The following RCAN1 variants were observed in gnomAD, a reference collection of about 807,000 sequenced individuals.
RCAN1 encodes the protein regulator of calcineurin 1, also known as calcipressin-1.
In RCAN1, 11 loss-of-function variants were observed where a neutral mutation model predicts 22.9. That is an observed-to-expected ratio of 0.48 (90% CI 0.30 to 0.79). The LOEUF (loss-of-function observed/expected upper bound fraction) is 0.79, where lower values mean the gene tolerates loss of function less well. Ranked by LOEUF, RCAN1 falls within the 30% of genes least tolerant of loss-of-function variation. The probability of loss-of-function intolerance (pLI) is 0.06; values close to 1 mark genes in which losing one functional copy is unlikely to be tolerated. For missense variants in RCAN1, 291 were observed against 337.8 expected (o/e 0.86, Z 1.09); for synonymous variants, 136 against 142.3 (o/e 0.96, Z 0.32).
intron 1 of RCAN1, among the ~76,000 whole-genome samples, chr21:34,578,198 AC>A (rs1249747473): frequency 6.6e-6 from 1 of 152,122 alleles, no homozygotes; most frequent in Non-Finnish European, 1.5e-5. Flanking sequence ...ATTCTCCTTG[AC>A]CCTCGTATCT....
Position 34,614,930 on chromosome 21 carries a change from C to A in RCAN1, c.82G>T (p.Val28Leu). ...AGGGGCGCGAAGGGCCGCAGCGTCA[C>A]CCCGGGCCGCGCTCGCGCCTCGGCC... ...EAAEARARPG[V>L]TLRPFAPLSG... Residue 28 changes from valine (V) to leucine (L), a missense_variant, in exon 1 of 4, where the codon GTG (valine) becomes TTG (leucine). Transcript: ENST00000313806. This position sits in a 1 kb window ranked among gnomAD's most constrained non-coding sequence, Gnocchi z 6.0. 15 of 1,311,636 alleles carry A rather than the reference C, an allele frequency of 1.1e-5. No homozygotes were observed. The highest frequency in any genetic ancestry group is 1.5e-5 in the Non-Finnish European group (15 of 1,022,644). The allele number at this position is 1,311,636 out of a possible 1,614,324, so 81.2% of individuals were successfully genotyped here. A position where few individuals can be genotyped will look rare whatever the true frequency, so the allele number is the denominator to read the frequency against.
rs1343276772 is a variant in RCAN1, at chr21:34,614,335, T to C, written c.252+425A>G. On this transcript the variant is annotated intron_variant, in intron 1 of 3. Transcript: ENST00000313806. This position sits in a 1 kb window ranked among gnomAD's most constrained non-coding sequence, Gnocchi z 6.0. Reference sequence around the variant, plus strand: ...TTGGGAATGCAGGGACGTCGTCCTATTTATGAACACTGAGTCACGTCGCCG... The same window carrying C: ...TTGGGAATGCAGGGACGTCGTCCTACTTATGAACACTGAGTCACGTCGCCG... 1 of 990,084 alleles carries C rather than the reference T, an allele frequency of 1.0e-6. No homozygotes were observed. The highest frequency in any genetic ancestry group is 1.2e-6 in the Non-Finnish European group (1 of 833,170). 61.3% of individuals were successfully genotyped at this position (990,084 alleles called of 1,614,324 possible). A position where few individuals can be genotyped will look rare whatever the true frequency, so the allele number is the denominator to read the frequency against.
At chr21:34,595,849 C>A (rs1988132076) in intron 1 of RCAN1, among the ~76,000 whole-genome samples, 1 of 152,216 alleles carries the variant, frequency 6.6e-6, no homozygotes, top group South Asian at 2.1e-4. Context: ...GACAAGCTGA[C>A]CACCCCCCGG....
rs527958924 is a variant in RCAN1 at position 34,579,366 on chromosome 21, G to A, written c.252+35394C>T. 2.0e-5 allele frequency among the ~76,000 whole-genome samples: 3 copies of A among 152,282 alleles called. No individual in the cohort carries two copies. The East Asian group carries it at 5.8e-4, about 29-fold the overall frequency. ...TGCAGTGAGCTGAGATTGCGCCACT[G>A]CACTCCAGCCTGGGTGACACAGCGA... On this transcript the variant is annotated intron_variant, in intron 1 of 3. Coordinates refer to ENST00000313806, the MANE Select transcript of RCAN1 (RefSeq NM_004414.7).
intron 1 of RCAN1, among the ~76,000 whole-genome samples, chr21:34,605,723 C>A (rs1438861111): frequency 6.6e-6 from 1 of 151,912 alleles, no homozygotes; most frequent in African/African-American, 2.4e-5. Context: ...AGTTTGAGAC[C>A]AACCTGGCCA....
intron 1 of RCAN1, chr21:34,525,615 A>G: frequency 5.2e-6 from 2 of 386,882 alleles, no homozygotes; most frequent in Non-Finnish European, 9.1e-6. Context: ...AGGGCTTAGG[A>G]CCAGAACAAA....
intron 1 of RCAN1, among the ~76,000 whole-genome samples, chr21:34,605,777 G>A (rs948254575): frequency 4.6e-5 from 7 of 151,806 alleles, no homozygotes; most frequent in East Asian, 1.9e-4. Context: ...AAAATTAGCC[G>A]GGCGTGGTGG....
chr21:34,521,817 G>T, intron 2 of RCAN1, 159 bp from the exon 3 acceptor site: 1 of 624,892 alleles, frequency 1.6e-6, no homozygotes, highest in South Asian at 2.1e-5. Flanking sequence ...GTAATGGGGA[G>T]GGCAAAAGGA....
intron 1 of RCAN1, among the ~76,000 whole-genome samples, chr21:34,575,962 C>T (rs545982517): frequency 7.6e-4 from 115 of 152,276 alleles, no homozygotes; most frequent in Non-Finnish European, 1.4e-3. Flanking sequence ...GCACTAGAGT[C>T]TGGGTTCCTT....
intron 1 of RCAN1, among the ~76,000 whole-genome samples, chr21:34,537,002 C>T (rs1485533398): frequency 6.6e-6 from 1 of 152,218 alleles, no homozygotes; most frequent in Non-Finnish European, 1.5e-5. Context: ...CCCAACAGGG[C>T]ACTGCAAACG....
chr21:34,607,844 C>T (rs1179838481), intron 1 of RCAN1, among the ~76,000 whole-genome samples: 2 of 152,190 alleles, frequency 1.3e-5, no homozygotes, highest in East Asian at 3.9e-4. Context: ...GGAAGCGGGC[C>T]ACACAGCAGG....
intron 1 of RCAN1, among the ~76,000 whole-genome samples, chr21:34,543,400 A>G (rs1256633338): frequency 6.6e-6 from 1 of 152,210 alleles, no homozygotes; most frequent in Non-Finnish European, 1.5e-5. Flanking sequence ...CCATGAGCCA[A>G]GGAAAGTGGG....
intron 1 of RCAN1, chr21:34,525,435 T>C: frequency 7.1e-7 from 1 of 1,404,476 alleles, no homozygotes; most frequent in Non-Finnish European, 9.3e-7. Flanking sequence ...CTCACTCTTT[T>C]TCCCCACCTC....
At chr21:34,540,231 C>G (rs1985852092) in intron 1 of RCAN1, among the ~76,000 whole-genome samples, 1 of 152,180 alleles carries the variant, frequency 6.6e-6, no homozygotes, top group African/African-American at 2.4e-5. Context: ...TCAGCAAATT[C>G]TGGAGATCAG....
At chr21:34,601,641 AC>A (rs772563156) in intron 1 of RCAN1, among the ~76,000 whole-genome samples, 3 of 152,018 alleles carry the variant, frequency 2.0e-5, no homozygotes, top group Admixed American at 1.3e-4. Context: ...ACACGGTGAA[AC>A]CCCATCTCTA....
intron 1 of RCAN1, chr21:34,525,218 T>G: frequency 6.4e-7 from 1 of 1,550,598 alleles, no homozygotes; most frequent in Non-Finnish European, 8.7e-7. Flanking sequence ...CTGCTCCACA[T>G]GGGGCTGCGG....
chr21:34,614,597 C>A lies in RCAN1; in HGVS notation c.252+163G>T, dbSNP rs1988767703. Among the ~76,000 whole-genome samples, 4 of 151,820 alleles carry A rather than the reference C, an allele frequency of 2.6e-5. No homozygotes were observed. In the South Asian group the frequency reaches 8.3e-4, roughly 31 times the overall value. ...GGGACCGGGACCCTCGGGGCGCCGT[C>A]CCCACGCCCCAGCCCTGACGGGTCC... On this transcript the variant is annotated intron_variant, in intron 1 of 3. Transcript: ENST00000313806. The surrounding 1 kb of genome is among the most constrained non-coding windows in gnomAD (Gnocchi z 6.0).
rs148062871 is a variant in RCAN1, at chr21:34,534,296, T to C, written c.253-10586A>G. 1.2e-3 allele frequency among the ~76,000 whole-genome samples: 187 copies of C among 152,138 alleles called. 1 individual carries two copies. Among genetic ancestry groups the C allele is most frequent in the Non-Finnish European group, 2.3e-3 (153 of 67,978 alleles). On this transcript the variant is annotated intron_variant, in intron 1 of 3. Transcript: ENST00000313806. ...CTCAGCCAGCTCCTCCCTGTCTCAT[T>C]CCTGCCTGTTGAACTCTTGTTCATC...
intron 1 of RCAN1, among the ~76,000 whole-genome samples, chr21:34,549,603 C>T (rs1375656642): frequency 6.6e-6 from 1 of 152,088 alleles, no homozygotes; most frequent in African/African-American, 2.4e-5. Context: ...AAAATATTTG[C>T]CTTGTTTTTA....
Sources: allele counts gnomAD v4.1 joint callset (sites outside exome capture counted in the v4.1 genomes callset), GRCh38; gene constraint gnomAD v4.1.1; non-coding constraint Gnocchi (gnomAD v3.1); transcripts MANE v1.5; gene names NCBI Gene and HGNC (gene_info 2026-07-23, HGNC 2026-07-21).